SEC23A: variants seen among roughly 807,000 people sequenced by gnomAD.
SEC23A encodes SEC23 homolog A, COPII component, also known as protein transport protein Sec23A.
In SEC23A, 56 loss-of-function variants were observed where a neutral mutation model predicts 103.7. The observed-to-expected ratio is 0.54, with a 90% CI of 0.44 to 0.67. The LOEUF (loss-of-function observed/expected upper bound fraction) is 0.67. SEC23A is among the 30% of genes least tolerant of loss of function. The pLI is 0.00. For missense variants in SEC23A, 784 were observed against 936.4 expected (o/e 0.84, Z 2.12); for synonymous variants, 281 against 293.0 (o/e 0.96, Z 0.42).
chr14:39,056,250 C>G (rs1174162287), intron 13 of SEC23A, among the ~76,000 whole-genome samples: 2 of 152,144 alleles, frequency 1.3e-5, no homozygotes, highest in Non-Finnish European at 2.9e-5. Context: ...GTTCTGAGTG[C>G]ACTCAATAAA....
At chr14:39,091,330 G>A (rs1887655503) in intron 5 of SEC23A, 147 bp downstream of exon 5, 1 of 645,804 alleles carries the variant, frequency 1.5e-6, no homozygotes, top group African/African-American at 1.8e-5. Flanking sequence ...GAAAACTGAA[G>A]CCAGCACTGA....
chr14:39,071,740 G>A (rs929473164), intron 9 of SEC23A, among the ~76,000 whole-genome samples: 3 of 150,544 alleles, frequency 2.0e-5, no homozygotes, highest in South Asian at 2.1e-4. Context: ...GGTGGCAGGC[G>A]CTTGTAGTCC....
intron 10 of SEC23A, among the ~76,000 whole-genome samples, chr14:39,066,023 A>C (rs1002815845): frequency 5.1e-5 from 7 of 137,346 alleles, no homozygotes; most frequent in African/African-American, 1.0e-4. Context: ...AAAAAAAAAA[A>C]AAAAAAAAAA....
At chr14:39,058,177 T>C (rs960736044) in intron 13 of SEC23A, among the ~76,000 whole-genome samples, 8 of 152,230 alleles carry the variant, frequency 5.3e-5, no homozygotes, top group African/African-American at 1.9e-4. Context: ...GACATACTTA[T>C]AGACTTCCTG....
intron 11 of SEC23A, 183 bp downstream of exon 11, chr14:39,064,730 G>A: frequency 1.6e-6 from 1 of 621,222 alleles, no homozygotes; most frequent in South Asian, 1.9e-5. Flanking sequence ...CGTTCGCTGT[G>A]TCTTTTTTTC....
chr14:39,041,223 G>T (rs185454667), intron 17 of SEC23A: 1 of 186,542 alleles, frequency 5.4e-6, no homozygotes, highest in East Asian at 1.5e-4. Context: ...TAGGTAAGTA[G>T]CTCTAAACAC....
Position 39,061,806 on chromosome 14 carries a change from T to G in SEC23A, c.1464A>C (p.Ser488=), listed in dbSNP as rs1330884594. 6.2e-7 allele frequency: 1 copy of G among 1,613,792 alleles called. No homozygotes were observed. Among genetic ancestry groups the G allele is most frequent in the Non-Finnish European group, 8.5e-7 (1 of 1,179,804 alleles). ...TCACTCGGATGCGTCTCTGCCCACTTGAATGCTGATACTGAGTCACAAACT... is the reference window on the plus strand; with the variant it reads ...TCACTCGGATGCGTCTCTGCCCACTGGAATGCTGATACTGAGTCACAAACT... ...AIQFVTQYQH[S]SGQRRIRVTT... Residue 488 remains serine (S), a synonymous_variant, in exon 13 of 20, where the codon TCA becomes TCC. Coordinates refer to ENST00000307712, the MANE Select transcript of SEC23A (RefSeq NM_006364.4).
chr14:39,100,628 G>C (rs1049682558), intron 1 of SEC23A, among the ~76,000 whole-genome samples: 2 of 151,884 alleles, frequency 1.3e-5, no homozygotes, highest in African/African-American at 4.8e-5. Flanking sequence ...GGTCAGGCTG[G>C]TCTCGAACTC....
chr14:39,050,128 G>A (rs1886006790), intron 14 of SEC23A, among the ~76,000 whole-genome samples: 1 of 152,130 alleles, frequency 6.6e-6, no homozygotes, highest in Non-Finnish European at 1.5e-5. Context: ...GTCACGAGGA[G>A]CAGTCCTTAT....
rs1246676064 is a variant in SEC23A, at chr14:39,091,461, C to T, written c.603+16G>A. 2 of 1,578,498 alleles carry T rather than the reference C, an allele frequency of 1.3e-6. No homozygotes were observed. The highest frequency in any genetic ancestry group is 1.3e-5 in the African/African-American group (1 of 74,146). ...TAATTTTCAGATAGGTAAAAACTAC[C>T]ATTCTTGTTGTTTACCTGCAGTTGT... On this transcript the variant is annotated intron_variant, in intron 5 of 19. Coordinates refer to ENST00000307712, the MANE Select transcript of SEC23A (RefSeq NM_006364.4).
chr14:39,060,778 T>C (rs554791029), intron 13 of SEC23A, among the ~76,000 whole-genome samples: 26 of 152,334 alleles, frequency 1.7e-4, no homozygotes, highest in African/African-American at 5.5e-4. Context: ...AAAGAGCCCA[T>C]GAACAAATAC....
At chr14:39,070,022 C>T (rs1886793109) in intron 9 of SEC23A, among the ~76,000 whole-genome samples, 1 of 152,160 alleles carries the variant, frequency 6.6e-6, no homozygotes, top group African/African-American at 2.4e-5. Flanking sequence ...TAACATGTGG[C>T]TAGTTAAATT....
intron 2 of SEC23A, 27 bp from the exon 3 acceptor site, chr14:39,093,271 A>G (rs1460514356): frequency 6.4e-7 from 1 of 1,572,872 alleles, no homozygotes. Flanking sequence ...GAAAAGACAT[A>G]TCAGTTCATA....
chr14:39,072,002 G>T (rs946718844), intron 9 of SEC23A, among the ~76,000 whole-genome samples: 6 of 152,100 alleles, frequency 3.9e-5, no homozygotes, highest in Admixed American at 3.3e-4. Context: ...AGGAGGCCGA[G>T]GTGGGTGGAT....
intron 16 of SEC23A, among the ~76,000 whole-genome samples, 189 bp downstream of exon 16, chr14:39,044,974 T>C (rs990983852): frequency 6.6e-6 from 1 of 152,348 alleles, no homozygotes; most frequent in East Asian, 1.9e-4. Context: ...TAATACAGCC[T>C]ACATGGTATC....
intron 13 of SEC23A, among the ~76,000 whole-genome samples, chr14:39,057,041 C>T (rs564937646): frequency 7.2e-5 from 11 of 152,144 alleles, no homozygotes; most frequent in Middle Eastern, 3.4e-3. Context: ...AGGCTGGTTG[C>T]GGTGGCTCAC....
chr14:39,042,787 T>A lies in SEC23A; in HGVS notation c.1985A>T (p.Glu662Val). The change falls in exon 17 of 20, where the codon GAG becomes GTG. Residue 662 changes from glutamate to valine, a missense_variant and splice_region_variant. Around this residue, in one of 2 missense-constraint regions of SEC23A, gnomAD observed 101 missense variants for 162.2 expected, o/e 0.62. Transcript: ENST00000307712. The part of the protein sequence containing the change: ...TFFQILIYHG[E>V]TIAQWRKSGY... ...CTTTAAATGCTATTGAAATCTTACC[T>A]CACCATGATAAATCAAAATCTGGAA... The A allele has an allele frequency of 6.3e-7, 1 of 1,593,364 alleles. No individual in the cohort carries two copies. Among genetic ancestry groups the A allele is most frequent in the Non-Finnish European group, 8.6e-7 (1 of 1,161,412 alleles).
intron 6 of SEC23A, 35 bp from the exon 7 acceptor site, chr14:39,085,941 A>T (rs369837523): frequency 2.5e-6 from 4 of 1,577,512 alleles, no homozygotes; most frequent in Non-Finnish European, 3.5e-6. Context: ...GCCATTTGTA[A>T]ATGTTTATGG....
intron 1 of SEC23A, among the ~76,000 whole-genome samples, chr14:39,097,561 A>G (rs1478939776): frequency 6.6e-6 from 1 of 152,244 alleles, no homozygotes; most frequent in East Asian, 1.9e-4. Flanking sequence ...ATAAATTTTC[A>G]TAAAACAAAT....
Sources: allele counts gnomAD v4.1 joint callset (sites outside exome capture counted in the v4.1 genomes callset), GRCh38; gene constraint gnomAD v4.1.1; regional missense constraint gnomAD v4.1.1; transcripts MANE v1.5; gene names NCBI Gene and HGNC (gene_info 2026-07-23, HGNC 2026-07-21).